Variants in ZNF205 observed in about 807,000 individuals in gnomAD.
ZNF205 encodes the protein zinc finger protein 205, also known as transcriptional repressor RHIT.
Under a neutral mutation model 53.6 loss-of-function variants are expected in ZNF205, and 32 were observed. The observed-to-expected ratio is 0.60, with a 90% CI of 0.45 to 0.80. The LOEUF is 0.80. Among genes scored for constraint, ZNF205 ranks in the 30% least tolerant of loss-of-function variants. The pLI is 0.00. For synonymous variants in ZNF205, 382 were observed against 334.3 expected, an observed-to-expected ratio of 1.14 and a Z score of -1.56; for missense variants, 836 against 782.4, an observed-to-expected ratio of 1.07 and a Z score of -0.82.
Position 3,120,444 on chromosome 16 carries a change from T to C in ZNF205, c.*119T>C. 1 of 1,221,128 alleles carries C rather than the reference T, an allele frequency of 8.2e-7. No homozygotes were observed. Among genetic ancestry groups the C allele is most frequent in the Non-Finnish European group, 1.1e-6 (1 of 905,716 alleles). 75.6% of individuals were successfully genotyped at this position (1,221,128 alleles called of 1,614,324 possible). A position where few individuals can be genotyped will look rare whatever the true frequency, so the allele number is the denominator to read the frequency against. The stretch of plus-strand genomic sequence containing the variant: ...GAGCTGGGGCGGTGAGGGCATGGGG[T>C]GAGGCATGGCGATGGGGGAGGGCGA... On this transcript the variant is annotated 3_prime_UTR_variant, in exon 7 of 7. Coordinates refer to ENST00000219091, the MANE Select transcript of ZNF205 (RefSeq NM_001042428.2).
In ZNF205 at chr16:3,119,746, G is replaced by A. The variant is rs1957397749; in HGVS notation, c.1086G>A (p.Lys362=). 2 of 1,613,764 alleles carry A rather than the reference G, an allele frequency of 1.2e-6. No homozygotes were observed. The highest frequency in any genetic ancestry group is 1.3e-5 in the African/African-American group (1 of 75,016). ...ACCAGATCATCCACACGGGCGAGAA[G>A]CCCTACACCTGCCCCGCCTGCCGGA... The part of the protein sequence containing the change: ...IQHQIIHTGE[K]PYTCPACRKS... The change falls in exon 7 of 7, where the codon AAG becomes AAA. Residue 362 remains lysine (K), a synonymous_variant. Transcript: ENST00000219091.
Position 3,115,521 on chromosome 16 carries a change from C to T in ZNF205, c.224C>T (p.Pro75Leu), listed in dbSNP as rs770044131. ...DGAQGAWGWAPLSHGSKEKAL... is the reference protein window; with the variant it reads ...DGAQGAWGWALLSHGSKEKAL... ...GCTCAAGGTGCCTGGGGCTGGGCAC[C>T]CCTAAGTCACGGCTCTAAGGAGAAA... The change falls in exon 3 of 7, where the codon CCC (proline) becomes CTC (leucine). Residue 75 changes from proline (P) to leucine (L), a missense_variant. Transcript: ENST00000219091. 6.2e-7 allele frequency: 1 copy of T among 1,601,850 alleles called. No homozygotes were observed. Among genetic ancestry groups the T allele is most frequent in the Admixed American group, 1.8e-5 (1 of 56,846 alleles).
intron 6 of ZNF205, 80 bp from the exon 7 acceptor site, chr16:3,119,176 A>G: frequency 6.6e-7 from 1 of 1,513,224 alleles, no homozygotes; most frequent in Non-Finnish European, 8.9e-7. Flanking sequence ...TCCAGCCCCC[A>G]CCCTTAGCTC....
chr16:3,118,253 C>G (rs960887731), intron 5 of ZNF205, among the ~76,000 whole-genome samples: 1 of 151,976 alleles, frequency 6.6e-6, no homozygotes, highest in African/African-American at 2.4e-5. Context: ...CTGGCTGGCA[C>G]CAGGGATGGT....
chr16:3,119,133 A>C, intron 6 of ZNF205, 118 bp downstream of exon 6: 1 of 1,502,702 alleles, frequency 6.7e-7, no homozygotes, highest in South Asian at 1.3e-5. Flanking sequence ...GTTTGCGCCC[A>C]GGGCGGCCCT....
intron 1 of ZNF205, chr16:3,113,075 T>C (rs540390664): frequency 3.7e-5 from 10 of 268,634 alleles, no homozygotes; most frequent in African/African-American, 1.6e-4. Context: ...CTGCTCCTGA[T>C]GACAGGAAAT....
chr16:3,114,979 C>A (rs1957320001), intron 2 of ZNF205: 1 of 171,776 alleles, frequency 5.8e-6, no homozygotes. Context: ...TGTATAAAGA[C>A]CCTTTTCCCC....
intron 5 of ZNF205, among the ~76,000 whole-genome samples, chr16:3,118,012 CTTT>C (rs71158135): frequency 2.7e-5 from 2 of 74,298 alleles, no homozygotes; most frequent in African/African-American, 1.1e-4. Context: ...CCATGCCCGG[CTTT>C]TTTTTTTTTT....
In ZNF205 at chr16:3,119,368, G is replaced by T. The variant is rs754009087; in HGVS notation, c.708G>T (p.Ala236=). ...GRVQWGVPQC[A]QEAACGRSSG... is the part of the protein sequence containing the mutation. ...TCCAGTGGGGCGTCCCGCAGTGCGC[G>T]CAGGAAGCAGCCTGCGGCCGGAGCT... Residue 236 remains alanine, a synonymous_variant, in exon 7 of 7, where the codon GCG becomes GCT. Transcript: ENST00000219091. The T allele has an allele frequency of 4.3e-6, 7 of 1,612,348 alleles. No individual in the cohort carries two copies. The East Asian group carries it at 1.6e-4, about 36-fold the overall frequency.
intron 1 of ZNF205, 102 bp from the exon 2 acceptor site, chr16:3,113,315 G>C (rs1957294293): frequency 8.8e-7 from 1 of 1,130,862 alleles, no homozygotes; most frequent in Admixed American, 2.4e-5. Flanking sequence ...GGGGTGTCCA[G>C]GAAGCGAGGG....
In ZNF205 at chr16:3,120,447, G is replaced by A. The variant is rs560719865; in HGVS notation, c.*122G>A. On this transcript the variant is annotated 3_prime_UTR_variant, in exon 7 of 7. Transcript: ENST00000219091. ...CTGGGGCGGTGAGGGCATGGGGTGAGGCATGGCGATGGGGGAGGGCGAGGG... is the reference window on the plus strand; with the variant it reads ...CTGGGGCGGTGAGGGCATGGGGTGAAGCATGGCGATGGGGGAGGGCGAGGG... 1.7e-5 allele frequency: 20 copies of A among 1,207,404 alleles called. No individual in the cohort carries two copies. The Admixed American group carries it at 1.7e-4, about 10-fold the overall frequency. The allele number at this position is 1,207,404 out of a possible 1,614,324, so 74.8% of individuals were successfully genotyped here.
At chr16:3,118,324 A>T (rs944533062) in intron 5 of ZNF205, among the ~76,000 whole-genome samples, 1 of 152,052 alleles carries the variant, frequency 6.6e-6, no homozygotes, top group African/African-American at 2.4e-5. Context: ...CTGGGCCAGC[A>T]AGCCCAGGCA....
At chr16:3,113,121 G>A (rs1808570385) in intron 1 of ZNF205, among the ~76,000 whole-genome samples, 4 of 152,194 alleles carry the variant, frequency 2.6e-5, no homozygotes, top group East Asian at 1.9e-4. Flanking sequence ...TCCCTGAGCC[G>A]GTTACACTGA....
chr16:3,119,187 T>C, intron 6 of ZNF205, 69 bp from the exon 7 acceptor site: 1 of 1,521,614 alleles, frequency 6.6e-7, no homozygotes, highest in South Asian at 1.3e-5. Context: ...CCCTTAGCTC[T>C]GCCTTCTCCA....
chr16:3,119,401 G>A lies in ZNF205; in HGVS notation c.741G>A (p.Pro247=), dbSNP rs553718182. The change falls in exon 7 of 7, where the codon CCG becomes CCA. Residue 247 remains proline (P), a synonymous_variant. Coordinates refer to ENST00000219091, the MANE Select transcript of ZNF205 (RefSeq NM_001042428.2). ...CAGCCTGCGGCCGGAGCTCAGGGCC[G>A]GCCAAAGACTCCGGGCAGCCGGCTG... The part of the protein sequence containing the change: ...QEAACGRSSG[P]AKDSGQPAEP... 17 of 1,609,832 alleles carry A rather than the reference G, an allele frequency of 1.1e-5. No homozygotes were observed. The East Asian group carries it at 3.4e-4, about 32-fold the overall frequency.
chr16:3,114,450 C>G (rs565467175), intron 2 of ZNF205, among the ~76,000 whole-genome samples: 1 of 152,164 alleles, frequency 6.6e-6, no homozygotes, highest in Non-Finnish European at 1.5e-5. Flanking sequence ...GATTCCTGGC[C>G]TGAGGTTCTT....
chr16:3,113,503 G>T lies in ZNF205; in HGVS notation c.57+16G>T. On this transcript the variant is annotated intron_variant, in intron 2 of 6. Coordinates refer to ENST00000219091, the MANE Select transcript of ZNF205 (RefSeq NM_001042428.2). ...ACCCCCGGAGGTACAGATGGGGCTG[G>T]CTGAGGGAGGTGTGCGGTAGAAGAG... The T allele has an allele frequency of 6.2e-7, 1 of 1,612,494 alleles. No individual in the cohort carries two copies. The highest frequency in any genetic ancestry group is 8.5e-7 in the Non-Finnish European group (1 of 1,179,422).
rs760237640 is a variant in ZNF205, at chr16:3,119,014, A to C, written c.594A>C (p.Thr198=). ...GDEKEWRGAC[T]GAVEVGQRVQ... is the part of the protein sequence containing the mutation. ...AGAAGGAGTGGAGAGGCGCGTGCAC[A>C]GGTGAGGGACGGGCGCGCGCCTTTG... is the stretch of plus-strand genomic sequence containing the variant. The change falls in exon 6 of 7, where the codon ACA becomes ACC. Residue 198 remains threonine, a splice_region_variant and synonymous_variant. Transcript: ENST00000219091. 1.4e-5 allele frequency: 22 copies of C among 1,612,670 alleles called. No homozygotes were observed. The highest frequency in any genetic ancestry group is 8.3e-5 in the Admixed American group (5 of 59,954).
chr16:3,119,022 G>T lies in ZNF205; in HGVS notation c.595+7G>T. 1 of 1,611,908 alleles carries T rather than the reference G, an allele frequency of 6.2e-7. No individual in the cohort carries two copies. Among genetic ancestry groups the T allele is most frequent in the Non-Finnish European group, 8.5e-7 (1 of 1,179,402 alleles). On this transcript the variant is annotated splice_region_variant and intron_variant, in intron 6 of 6. Transcript: ENST00000219091. ...TGGAGAGGCGCGTGCACAGGTGAGGGACGGGCGCGCGCCTTTGTCTGCGGG... is the reference window on the plus strand; with the variant it reads ...TGGAGAGGCGCGTGCACAGGTGAGGTACGGGCGCGCGCCTTTGTCTGCGGG...
Sources: gnomAD v4.1 joint callset for allele counts (sites outside exome capture counted in the v4.1 genomes callset) on GRCh38, gnomAD v4.1.1 for gene constraint, MANE v1.5 for transcripts, NCBI Gene and HGNC (gene_info 2026-07-23, HGNC 2026-07-21) for gene names.